CDT1: variants seen among roughly 807,000 people sequenced by gnomAD.
The protein encoded by CDT1 is DNA replication factor Cdt1.
A neutral mutation model predicts 49.3 loss-of-function variants in CDT1; 66 were observed. The observed-to-expected ratio is 1.34, with a 90% CI of 1.10 to 1.64. The LOEUF (loss-of-function observed/expected upper bound fraction) is 1.64. Among genes scored for constraint, CDT1 ranks in the 40% most tolerant of loss-of-function variants. The pLI, the probability that CDT1 is intolerant of heterozygous loss-of-function variation, is 0.00. For missense variants in CDT1, 958 were observed against 807.7 expected, an observed-to-expected ratio of 1.19 and a Z score of -2.26; for synonymous variants, 424 against 347.4, an observed-to-expected ratio of 1.22 and a Z score of -2.45.
rs758165901 is a variant in CDT1, at chr16:88,806,484, A to T, written c.934-2A>T. Reference sequence around the variant, plus strand: ...GGTCACCCATCTACTCCTTCTCCCCAGGCCTTCCTGGCCTCCCTGAGCCCC... The same window carrying T: ...GGTCACCCATCTACTCCTTCTCCCCTGGCCTTCCTGGCCTCCCTGAGCCCC... On this transcript the variant is annotated splice_acceptor_variant, in intron 6 of 9. Coordinates refer to ENST00000301019, the MANE Select transcript of CDT1 (RefSeq NM_030928.4). LOFTEE classifies it high-confidence loss of function. The T allele has an allele frequency of 6.2e-7, 1 of 1,610,400 alleles. No individual in the cohort carries two copies. Among genetic ancestry groups the T allele is most frequent in the South Asian group, 1.1e-5 (1 of 90,596 alleles).
chr16:88,805,291 C>T, intron 3 of CDT1, 149 bp from the exon 4 acceptor site: 1 of 901,270 alleles, frequency 1.1e-6, no homozygotes, highest in Non-Finnish European at 1.8e-6. Context: ...CCTAACGGTG[C>T]CAGTGCTGGT....
Position 88,806,815 on chromosome 16 carries a change from T to C in CDT1, c.1122+141T>C, listed in dbSNP as rs141994756. ...TTGGCTGGCGGATCCAGAGAGTTGG[T>C]GGCATTTGCCCTCTGTCCCCAGCTG... On this transcript the variant is annotated intron_variant, in intron 7 of 9. Transcript: ENST00000301019. 1.2e-3 allele frequency: 1,529 copies of C among 1,251,596 alleles called. 14 individuals carry two copies. The African/African-American group carries it at 0.02, about 16-fold the overall frequency. The allele number at this position is 1,251,596 out of a possible 1,614,324, so 77.5% of individuals were successfully genotyped here.
Position 88,808,480 on chromosome 16 carries a change from TG to T in CDT1, c.*204del. The T allele has an allele frequency of 1.6e-6, 1 of 615,886 alleles. No individual in the cohort carries two copies. Among genetic ancestry groups the T allele is most frequent in the Non-Finnish European group, 2.8e-6 (1 of 353,692 alleles). The allele number at this position is 615,886 out of a possible 1,614,324, so 38.2% of individuals were successfully genotyped here. A position where few individuals can be genotyped will look rare whatever the true frequency, so the allele number is the denominator to read the frequency against. On this transcript the variant is annotated 3_prime_UTR_variant, in exon 10 of 10. Coordinates refer to ENST00000301019, the MANE Select transcript of CDT1 (RefSeq NM_030928.4). ...GGGCCCCTTCATGGGGCTCACCTGG[TG>T]GATTCACATTAAACCGGTTTCTGTG...
chr16:88,805,496 CGG>C lies in CDT1; in HGVS notation c.547_548del (p.Gly183ThrfsTer46). ...CATGCCCTGGCCCAGCCCGGCCTGC[CGG>C]GACTCGTGCTGCCCTACAAGTACCA... On this transcript the variant is annotated frameshift_variant, in exon 4 of 10. Coordinates refer to ENST00000301019, the MANE Select transcript of CDT1 (RefSeq NM_030928.4). LOFTEE classifies it high-confidence loss of function. 6.2e-7 allele frequency: 1 copy of C among 1,612,866 alleles called. No homozygotes were observed. The highest frequency in any genetic ancestry group is 8.5e-7 in the Non-Finnish European group (1 of 1,179,950).
Position 88,806,036 on chromosome 16 carries a change from C to A in CDT1, c.848C>A (p.Ala283Asp). The stretch of plus-strand genomic sequence containing the variant: ...CGTCCCACAGAGGCTGACGGAGCAG[C>A]CCCCCAGCTCACGGCCTCGCGCCTC... ...PLLEQEADGA[A>D]PQLTASRLLQ... is the part of the protein sequence containing the mutation. The change falls in exon 6 of 10, where the codon GCC becomes GAC. Residue 283 changes from alanine to aspartate, a missense_variant. Transcript: ENST00000301019. 1.3e-6 allele frequency: 2 copies of A among 1,591,706 alleles called. No homozygotes were observed. The highest frequency in any genetic ancestry group is 1.1e-5 in the South Asian group (1 of 88,806).
chr16:88,806,354 C>G (rs1908855328), intron 6 of CDT1, 132 bp from the exon 7 acceptor site: 1 of 1,184,974 alleles, frequency 8.4e-7, no homozygotes. Context: ...TCCCTCCAAG[C>G]TGAGCACTGG....
chr16:88,805,427 C>G lies in CDT1; in HGVS notation c.489-13C>G, dbSNP rs2142943017. Reference sequence around the variant, plus strand: ...GCCTACTGCTTCTCATGAGGCTCCTCCCTCCCTGACAGTGGCGAGAAGGCG... The same window carrying G: ...GCCTACTGCTTCTCATGAGGCTCCTGCCTCCCTGACAGTGGCGAGAAGGCG... On this transcript the variant is annotated splice_polypyrimidine_tract_variant and intron_variant, in intron 3 of 9. Coordinates refer to ENST00000301019, the MANE Select transcript of CDT1 (RefSeq NM_030928.4). 6.2e-7 allele frequency: 1 copy of G among 1,612,286 alleles called. No individual in the cohort carries two copies. The highest frequency in any genetic ancestry group is 2.2e-5 in the East Asian group (1 of 44,874).
At chr16:88,807,921 G>T (rs1378346677) in intron 9 of CDT1, among the ~76,000 whole-genome samples, 194 bp from the exon 10 acceptor site, 1 of 152,206 alleles carries the variant, frequency 6.6e-6, no homozygotes, top group Non-Finnish European at 1.5e-5. Context: ...TGTAGGCCTG[G>T]CTCTCTCCGG....
Position 88,808,177 on chromosome 16 carries a change from C to G in CDT1, c.1540C>G (p.Arg514Gly). 6.2e-7 allele frequency: 1 copy of G among 1,612,864 alleles called. No individual in the cohort carries two copies. Among genetic ancestry groups the G allele is most frequent in the Non-Finnish European group, 8.5e-7 (1 of 1,179,960 alleles). ...GCTGCCGGACTGGCTCAGCCTCCAC[C>G]GCATCCGCACCGACACCTACGTCAA... is the stretch of plus-strand genomic sequence containing the variant. Reference protein sequence around the residue: ...ELLPDWLSLHRIRTDTYVKLD... With the variant: ...ELLPDWLSLHGIRTDTYVKLD... The change falls in exon 10 of 10, where the codon CGC (arginine) becomes GGC (glycine). Residue 514 changes from arginine (R) to glycine (G), a missense_variant. Transcript: ENST00000301019.
At position 88,808,405 on chromosome 16, in the gene CDT1, A is replaced by C; in HGVS notation, c.*127A>C. ...CCCAGCGCCCCTGAGGGCCAGAGGC[A>C]GATGTGGGCTGCAGGCTGCACAGCC... On this transcript the variant is annotated 3_prime_UTR_variant, in exon 10 of 10. Coordinates refer to ENST00000301019, the MANE Select transcript of CDT1 (RefSeq NM_030928.4). The C allele has an allele frequency of 8.8e-7, 1 of 1,142,102 alleles. No individual in the cohort carries two copies. The highest frequency in any genetic ancestry group is 1.2e-6 in the Non-Finnish European group (1 of 813,330). 70.7% of individuals were successfully genotyped at this position (1,142,102 alleles called of 1,614,324 possible).
At position 88,804,873 on chromosome 16, in the gene CDT1, G is replaced by A. The variant is rs370159425; in HGVS notation, c.463G>A (p.Ala155Thr). ...TGCTGGGGAGTCCTGCACCCCAGAGGCCGAGGGCCGCCCTGAGGAGCCATG... is the reference window on the plus strand; with the variant it reads ...TGCTGGGGAGTCCTGCACCCCAGAGACCGAGGGCCGCCCTGAGGAGCCATG... Reference protein sequence around the residue: ...QDAGESCTPEAEGRPEEPCGE... With the variant: ...QDAGESCTPETEGRPEEPCGE... Residue 155 changes from alanine to threonine, a missense_variant, in exon 3 of 10, where the codon GCC becomes ACC. Coordinates refer to ENST00000301019, the MANE Select transcript of CDT1 (RefSeq NM_030928.4). 1.1e-5 allele frequency: 18 copies of A among 1,593,388 alleles called. No individual in the cohort carries two copies. The African/African-American group carries it at 2.3e-4, about 20-fold the overall frequency.
chr16:88,803,885 C>G lies in CDT1; in HGVS notation c.54C>G (p.Pro18=). 6.8e-7 allele frequency: 1 copy of G among 1,460,972 alleles called. No homozygotes were observed. The highest frequency in any genetic ancestry group is 9.1e-7 in the Non-Finnish European group (1 of 1,103,006). The allele number at this position is 1,460,972 out of a possible 1,614,324, so 90.5% of individuals were successfully genotyped here. Residue 18 remains proline, a synonymous_variant, in exon 1 of 10, where the codon CCC becomes CCG. Coordinates refer to ENST00000301019, the MANE Select transcript of CDT1 (RefSeq NM_030928.4). ...TCGCGCGCCGCCGCCCCGGGCCCCC[C>G]CGCATCGCGCCGCCCAAGCTGGCCT... is the stretch of plus-strand genomic sequence containing the variant. The part of the protein sequence containing the change: ...DFFARRRPGP[P]RIAPPKLACR...
Position 88,808,292 on chromosome 16 carries a change from TGTGGACAGAC to T in CDT1, c.*19_*28del. 1.3e-6 allele frequency: 2 copies of T among 1,573,682 alleles called. No individual in the cohort carries two copies. Among genetic ancestry groups the T allele is most frequent in the Non-Finnish European group, 1.7e-6 (2 of 1,159,646 alleles). ...GAGGGGCTGTGAGCCTGGGGGCCAC[TGTGGACAGAC>T]GTGGGCTTCAGAAGCTCGCTGGCCT... On this transcript the variant is annotated 3_prime_UTR_variant, in exon 10 of 10. Transcript: ENST00000301019.
In CDT1 at chr16:88,808,411, GGGCTGCA is replaced by G; in HGVS notation, c.*141_*147del. The G allele has an allele frequency of 9.1e-7, 1 of 1,093,740 alleles. No homozygotes were observed. Among genetic ancestry groups the G allele is most frequent in the Non-Finnish European group, 1.3e-6 (1 of 770,728 alleles). 67.8% of individuals were successfully genotyped at this position (1,093,740 alleles called of 1,614,324 possible). On this transcript the variant is annotated 3_prime_UTR_variant, in exon 10 of 10. Coordinates refer to ENST00000301019, the MANE Select transcript of CDT1 (RefSeq NM_030928.4). Reference sequence around the variant, plus strand: ...GCCCCTGAGGGCCAGAGGCAGATGTGGGCTGCAGGCTGCACAGCCCGAGGGTCTCTGG... The same window carrying G: ...GCCCCTGAGGGCCAGAGGCAGATGTGGGCTGCACAGCCCGAGGGTCTCTGG...
At chr16:88,804,430 C>T (rs1202831467) in intron 1 of CDT1, 115 bp from the exon 2 acceptor site, 1 of 1,373,950 alleles carries the variant, frequency 7.3e-7, no homozygotes, top group South Asian at 1.3e-5. Flanking sequence ...TCCTAAGCCC[C>T]CCAGCCATGC....
chr16:88,803,864 G>A lies in CDT1; in HGVS notation c.33G>A (p.Ala11=). The change falls in exon 1 of 10, where the codon GCG becomes GCA. Residue 11 remains alanine (A), a synonymous_variant. Transcript: ENST00000301019. The part of the protein sequence containing the change: MEQRRVTDFF[A]RRRPGPPRIA... ...AGCGCCGCGTCACCGACTTCTTCGC[G>A]CGCCGCCGCCCCGGGCCCCCCCGCA... 2 of 1,487,380 alleles carry A rather than the reference G, an allele frequency of 1.3e-6. No homozygotes were observed. The highest frequency in any genetic ancestry group is 1.2e-5 in the South Asian group (1 of 84,210). 92.1% of individuals were successfully genotyped at this position (1,487,380 alleles called of 1,614,324 possible).
chr16:88,808,899 G>A lies in CDT1; in HGVS notation c.*621G>A, dbSNP rs1908981681. On this transcript the variant is annotated 3_prime_UTR_variant, in exon 10 of 10. Transcript: ENST00000301019. Reference sequence around the variant, plus strand: ...TCGTCCCAGCTACTAGGGAGGCTGAGGCAGGAGAATGGTGTGAACCCAGGA... The same window carrying A: ...TCGTCCCAGCTACTAGGGAGGCTGAAGCAGGAGAATGGTGTGAACCCAGGA... 3 of 160,278 alleles carry A rather than the reference G, an allele frequency of 1.9e-5. No individual in the cohort carries two copies. The highest frequency in any genetic ancestry group is 1.8e-4 in the Admixed American group (3 of 16,944). The allele number at this position is 160,278 out of a possible 1,614,324, so 9.9% of individuals were successfully genotyped here. A position where few individuals can be genotyped will look rare whatever the true frequency, so the allele number is the denominator to read the frequency against.
chr16:88,808,714 G>A lies in CDT1; in HGVS notation c.*436G>A, dbSNP rs1261835039. ...GTGACTTTTGTCATTAAGAAAGACT[G>A]GGGTGGGTGTGGTGGCTCACGCCTG... is the stretch of plus-strand genomic sequence containing the variant. On this transcript the variant is annotated 3_prime_UTR_variant, in exon 10 of 10. Transcript: ENST00000301019. 4.9e-6 allele frequency: 1 copy of A among 203,532 alleles called. No individual in the cohort carries two copies. The highest frequency in any genetic ancestry group is 2.3e-5 in the African/African-American group (1 of 42,752). 12.6% of individuals were successfully genotyped at this position (203,532 alleles called of 1,614,324 possible).
In CDT1 at chr16:88,806,539, C is replaced by G. The variant is rs1330643822; in HGVS notation, c.987C>G (p.Thr329=). The part of the protein sequence containing the change: ...PAMVVPEDQL[T]RWHPRFNVDE... ...TGGTGGTGCCGGAGGACCAGCTGAC[C>G]CGCTGGCACCCGCGCTTCAACGTGG... Residue 329 remains threonine, a synonymous_variant, in exon 7 of 10, where the codon ACC becomes ACG. Transcript: ENST00000301019. The G allele has an allele frequency of 3.1e-6, 5 of 1,609,836 alleles. No individual in the cohort carries two copies. The highest frequency in any genetic ancestry group is 4.2e-6 in the Non-Finnish European group (5 of 1,178,842).
Sources: gnomAD v4.1 joint callset for allele counts (sites outside exome capture counted in the v4.1 genomes callset) on GRCh38, gnomAD v4.1.1 for gene constraint, MANE v1.5 for transcripts, NCBI Gene and HGNC (gene_info 2026-07-23, HGNC 2026-07-21) for gene names.